The following KCTD16 variants were observed in gnomAD, a reference collection of about 807,000 sequenced individuals.
KCTD16 encodes the protein BTB/POZ domain-containing protein KCTD16.
Under a neutral mutation model 33.2 loss-of-function variants are expected in KCTD16, and 13 were observed. The observed-to-expected ratio is 0.39, with a 90% confidence interval of 0.25 to 0.62. The LOEUF (loss-of-function observed/expected upper bound fraction) is 0.62. KCTD16 is among the 20% of genes least tolerant of loss of function. The probability of loss-of-function intolerance (pLI) is 0.50; values close to 1 mark genes in which losing one functional copy is unlikely to be tolerated. For synonymous variants in KCTD16, 197 were observed against 195.3 expected, an observed-to-expected ratio of 1.01 and a Z score of -0.07; for missense variants, 441 against 525.1, an observed-to-expected ratio of 0.84 and a Z score of 1.57.
chr5:144,402,436 C>T (rs1246366338), intron 3 of KCTD16, among the ~76,000 whole-genome samples: 1 of 152,128 alleles, frequency 6.6e-6, no homozygotes, highest in Non-Finnish European at 1.5e-5. Context: ...AGGTCGTCTA[C>T]CTCACTGCAG....
intron 2 of KCTD16, among the ~76,000 whole-genome samples, chr5:144,185,098 C>T (rs1018638518): frequency 1.3e-5 from 2 of 152,160 alleles, no homozygotes; most frequent in Non-Finnish European, 2.9e-5. Flanking sequence ...TGTTAACTAT[C>T]TTCATTTTGC....
chr5:144,372,938 G>C (rs1752001596), intron 3 of KCTD16, among the ~76,000 whole-genome samples: 1 of 152,084 alleles, frequency 6.6e-6, no homozygotes, highest in Non-Finnish European at 1.5e-5. Flanking sequence ...ATATAGTATA[G>C]AGCCAATGAA....
chr5:144,470,006 T>C (rs1314157218), intron 3 of KCTD16, among the ~76,000 whole-genome samples: 1 of 151,566 alleles, frequency 6.6e-6, no homozygotes, highest in African/African-American at 2.4e-5. Flanking sequence ...AATGAAATGG[T>C]TTTCTTCCCA....
At chr5:144,253,037 A>G (rs929523186) in intron 3 of KCTD16, among the ~76,000 whole-genome samples, 2 of 152,122 alleles carry the variant, frequency 1.3e-5, no homozygotes, top group Admixed American at 6.5e-5. Flanking sequence ...TCTCTTAATA[A>G]AGTGAGTAGT....
Position 144,320,759 on chromosome 5 carries a change from G to GT in KCTD16, c.832+113225dup, listed in dbSNP as rs5871877. Among the ~76,000 whole-genome samples, 695 of 142,436 alleles carry GT rather than the reference G, an allele frequency of 4.9e-3. 8 individuals carry two copies. The highest frequency in any genetic ancestry group is 0.016 in the East Asian group (80 of 4,904). The allele number at this position is 142,436 out of a possible 152,430, so 93.4% of individuals were successfully genotyped here. A position where few individuals can be genotyped will look rare whatever the true frequency, so the allele number is the denominator to read the frequency against. On this transcript the variant is annotated intron_variant, in intron 3 of 3. Transcript: ENST00000512467. ...AAAATGGTTATTTTTCTTTTTATTT[G>GT]TTTTTTTTTTTTCACTTTTTCCATA...
Position 144,474,979 on chromosome 5 carries a change from A to G in KCTD16, c.*865A>G, listed in dbSNP as rs1754563228. On this transcript the variant is annotated 3_prime_UTR_variant, in exon 4 of 4. Transcript: ENST00000512467. ...AACATTCCTTGTGTTAAAAAAATCA[A>G]ACATTCATATCCACAAAATTTTCTG... 1 of 152,186 alleles carries G rather than the reference A, an allele frequency of 6.6e-6. No homozygotes were observed. The highest frequency in any genetic ancestry group is 1.5e-5 in the Non-Finnish European group (1 of 68,042). 9.4% of individuals were successfully genotyped at this position (152,186 alleles called of 1,614,324 possible). A position where few individuals can be genotyped will look rare whatever the true frequency, so the allele number is the denominator to read the frequency against.
intron 3 of KCTD16, among the ~76,000 whole-genome samples, chr5:144,223,528 T>C (rs1753829802): frequency 6.6e-6 from 1 of 152,138 alleles, no homozygotes; most frequent in African/African-American, 2.4e-5. Context: ...TCCTGACTTG[T>C]GTAATAATTG....
chr5:144,306,145 C>A (rs1751599083), intron 3 of KCTD16, among the ~76,000 whole-genome samples: 3 of 152,220 alleles, frequency 2.0e-5, no homozygotes, highest in Admixed American at 1.3e-4. Flanking sequence ...GTTTATGTAG[C>A]TACAGTCCTC....
In KCTD16 at chr5:144,444,204, TC is replaced by T. The variant is rs558352780; in HGVS notation, c.833-29450del. On this transcript the variant is annotated intron_variant, in intron 3 of 3. Transcript: ENST00000512467. ...CACAAACAAACCCCACCCCAACCCCTCCCCCCTCCACACACAAAGATAAAAC... is the reference window on the plus strand; with the variant it reads ...CACAAACAAACCCCACCCCAACCCCTCCCCCTCCACACACAAAGATAAAAC... 4.4e-3 allele frequency among the ~76,000 whole-genome samples: 396 copies of T among 90,346 alleles called. 2 individuals are homozygous for T. The highest frequency in any genetic ancestry group is 0.018 in the African/African-American group (374 of 20,556). 59.3% of individuals were successfully genotyped at this position (90,346 alleles called of 152,430 possible). A position where few individuals can be genotyped will look rare whatever the true frequency, so the allele number is the denominator to read the frequency against.
At chr5:144,311,436 C>T (rs560705103) in intron 3 of KCTD16, among the ~76,000 whole-genome samples, 1 of 152,158 alleles carries the variant, frequency 6.6e-6, no homozygotes, top group Admixed American at 6.6e-5. Context: ...TTGATCCAGG[C>T]ACTCTACTTC....
chr5:144,207,569 A>G (rs1561529374), intron 3 of KCTD16, 23 bp downstream of exon 3: 3 of 1,535,184 alleles, frequency 2.0e-6, no homozygotes, highest in East Asian at 2.3e-5. Flanking sequence ...GGTTGTTTTA[A>G]TTTTTTATGT....
intron 2 of KCTD16, among the ~76,000 whole-genome samples, chr5:144,181,674 A>G (rs1752628652): frequency 6.6e-6 from 1 of 152,226 alleles, no homozygotes; most frequent in South Asian, 2.1e-4. Context: ...AGTGACATAA[A>G]GCAGACATAG....
At chr5:144,473,620 G>C (rs1455391152) in intron 3 of KCTD16, 40 bp from the exon 4 acceptor site, 1 of 1,538,384 alleles carries the variant, frequency 6.5e-7, no homozygotes, top group African/African-American at 1.4e-5. Context: ...CAACTGACCT[G>C]GCTGGCATTA....
chr5:144,274,415 C>T (rs1037699587), intron 3 of KCTD16, among the ~76,000 whole-genome samples: 1 of 152,052 alleles, frequency 6.6e-6, no homozygotes, highest in Non-Finnish European at 1.5e-5. Flanking sequence ...AATGCCTTAC[C>T]AAGGCATGGT....
At chr5:144,362,849 A>G (rs1319159219) in intron 3 of KCTD16, among the ~76,000 whole-genome samples, 1 of 152,150 alleles carries the variant, frequency 6.6e-6, no homozygotes, top group African/African-American at 2.4e-5. Flanking sequence ...CAGCTTCCTT[A>G]TCAGTGTAAT....
intron 3 of KCTD16, among the ~76,000 whole-genome samples, chr5:144,337,205 G>C (rs568138260): frequency 6.6e-6 from 1 of 151,736 alleles, no homozygotes; most frequent in Non-Finnish European, 1.5e-5. Context: ...GCATTTTTGC[G>C]TTGCGTGCTG....
chr5:144,208,011 G>A (rs1003758380), intron 3 of KCTD16, among the ~76,000 whole-genome samples: 1 of 152,160 alleles, frequency 6.6e-6, no homozygotes, highest in African/African-American at 2.4e-5. Context: ...AAACACAAAT[G>A]GATGTTGCAA....
At chr5:144,399,326 C>A (rs1462514819) in intron 3 of KCTD16, among the ~76,000 whole-genome samples, 1 of 150,962 alleles carries the variant, frequency 6.6e-6, no homozygotes, top group South Asian at 2.1e-4. Flanking sequence ...GTTTTTTTTT[C>A]TTTCAATATT....
intron 3 of KCTD16, among the ~76,000 whole-genome samples, chr5:144,422,875 G>A (rs73792004): frequency 0.013 from 2,006 of 152,246 alleles, 38 homozygotes; most frequent in African/African-American, 0.045. Flanking sequence ...GGAGGTGAAA[G>A]TAACCTTATG....
Sources: gnomAD v4.1 joint callset for allele counts (sites outside exome capture counted in the v4.1 genomes callset) on GRCh38, gnomAD v4.1.1 for gene constraint, MANE v1.5 for transcripts, NCBI Gene and HGNC (gene_info 2026-07-23, HGNC 2026-07-21) for gene names.